Variants in C4orf51 observed in about 807,000 individuals in gnomAD.
The protein encoded by C4orf51 is uncharacterized protein C4orf51.
Under a neutral mutation model 25.2 loss-of-function variants are expected in C4orf51, and 25 were observed. The ratio of observed to expected loss-of-function variants is 0.99; its 90% CI spans 0.72 to 1.39. The LOEUF (loss-of-function observed/expected upper bound fraction) is 1.39. Among genes scored for constraint, C4orf51 ranks in the 40% most tolerant of loss-of-function variants. The pLI is 0.00. For synonymous variants in C4orf51, 100 were observed against 84.5 expected, an observed-to-expected ratio of 1.18 and a Z score of -1.01; for missense variants, 252 against 239.6, an observed-to-expected ratio of 1.05 and a Z score of -0.34.
intron 2 of C4orf51, among the ~76,000 whole-genome samples, chr4:145,702,267 G>A (rs143640568): frequency 0.34 from 51,318 of 150,220 alleles, 8,896 homozygotes; most frequent in Admixed American, 0.47. Flanking sequence ...TATCCACCCC[G>A]TGGTGCCAAA....
intron 2 of C4orf51, among the ~76,000 whole-genome samples, chr4:145,716,527 A>G (rs1272893216): frequency 6.6e-6 from 1 of 152,238 alleles, no homozygotes; most frequent in African/African-American, 2.4e-5. Context: ...AGAGAACACA[A>G]TAGATTATTT....
At chr4:145,728,938 G>C in intron 3 of C4orf51, among the ~76,000 whole-genome samples, 1 of 151,284 alleles carries the variant, frequency 6.6e-6, no homozygotes, top group South Asian at 2.1e-4. Flanking sequence ...TTGAGACAGG[G>C]TCTTGCTATG....
chr4:145,763,157 T>C lies in C4orf51; in HGVS notation n.167-7831T>C. 1 of 1,534,808 alleles carries C rather than the reference T, an allele frequency of 6.5e-7. No homozygotes were observed. The highest frequency in any genetic ancestry group is 8.7e-7 in the Non-Finnish European group (1 of 1,145,802). On this transcript the variant is annotated intron_variant and non_coding_transcript_variant, in intron 1 of 1. Transcript: ENST00000510096. This position sits in a 1 kb window ranked among gnomAD's most constrained non-coding sequence, Gnocchi z 4.6. ...AAGAAAAATAATAGTATAATCTTATTTGATCTGCATTATGAACAGGATATA... is the reference window on the plus strand; with the variant it reads ...AAGAAAAATAATAGTATAATCTTATCTGATCTGCATTATGAACAGGATATA...
At position 145,680,435 on chromosome 4, in the gene C4orf51, C is replaced by G. The variant is rs1328809378; in HGVS notation, c.232C>G (p.Gln78Glu). The G allele has an allele frequency of 6.2e-7, 1 of 1,610,934 alleles. No individual in the cohort carries two copies. The highest frequency in any genetic ancestry group is 8.5e-7 in the Non-Finnish European group (1 of 1,177,462). The change falls in exon 1 of 6, where the codon CAG becomes GAG. Residue 78 changes from glutamine to glutamate, a missense_variant and splice_region_variant. By Grantham distance (29) the Gln-to-Glu change is conservative. Coordinates refer to ENST00000438731, the MANE Select transcript of C4orf51 (RefSeq NM_001080531.3). The part of the protein sequence containing the change: ...RAGQHEPECK[Q>E]MSLTNSSACH... Reference sequence around the variant, plus strand: ...AGGACAGCATGAGCCTGAGTGTAAACAGTAAGATTTCTTTGTAATTTGCAC... The same window carrying G: ...AGGACAGCATGAGCCTGAGTGTAAAGAGTAAGATTTCTTTGTAATTTGCAC...
chr4:145,690,483 G>C (rs904343666), intron 1 of C4orf51, among the ~76,000 whole-genome samples: 22 of 152,054 alleles, frequency 1.4e-4, no homozygotes, highest in African/African-American at 5.1e-4. Flanking sequence ...CAGCCTGGGC[G>C]ACAGAGTGAG....
At chr4:145,681,689 C>T (rs1305740735) in intron 1 of C4orf51, among the ~76,000 whole-genome samples, 1 of 152,108 alleles carries the variant, frequency 6.6e-6, no homozygotes, top group Non-Finnish European at 1.5e-5. Flanking sequence ...TCTGGTGAGG[C>T]TCATCTTATT....
the C4orf51 span, among the ~76,000 whole-genome samples, chr4:145,782,682 A>G: frequency 6.6e-6 from 1 of 152,092 alleles, no homozygotes; most frequent in South Asian, 2.1e-4. Context: ...CACAAATCTC[A>G]TCATGTCTTG....
downstream of C4orf51, among the ~76,000 whole-genome samples, chr4:145,735,947 C>A (rs1049061053): frequency 1.3e-5 from 2 of 152,062 alleles, no homozygotes; most frequent in African/African-American, 4.8e-5. Context: ...TGAGTGACAT[C>A]CGTCATCTGG....
At chr4:145,729,623 C>A (rs1039237495) in intron 4 of C4orf51, among the ~76,000 whole-genome samples, 1 of 152,048 alleles carries the variant, frequency 6.6e-6, no homozygotes, top group African/African-American at 2.4e-5. Context: ...ATTTTCATAC[C>A]TTTTGCATTT....
At chr4:145,712,812 G>C (rs1731205581) in intron 2 of C4orf51, among the ~76,000 whole-genome samples, 1 of 152,216 alleles carries the variant, frequency 6.6e-6, no homozygotes, top group African/African-American at 2.4e-5. Context: ...TTCATAGCTA[G>C]AGAGAAGAAA....
intron 2 of C4orf51, among the ~76,000 whole-genome samples, chr4:145,706,410 T>A (rs1048463535): frequency 2.0e-5 from 3 of 152,162 alleles, no homozygotes; most frequent in Admixed American, 2.0e-4. Flanking sequence ...CCTCTTGTGG[T>A]CTCAAGATAA....
intron 1 of C4orf51, among the ~76,000 whole-genome samples, chr4:145,681,300 A>G (rs1455552550): frequency 6.6e-6 from 1 of 152,224 alleles, no homozygotes; most frequent in Non-Finnish European, 1.5e-5. Flanking sequence ...AGATAAGAGC[A>G]ATAACCCACA....
At chr4:145,715,385 C>T (rs980521307) in intron 2 of C4orf51, among the ~76,000 whole-genome samples, 4 of 152,116 alleles carry the variant, frequency 2.6e-5, no homozygotes, top group African/African-American at 9.7e-5. Flanking sequence ...GCCTCTTGGG[C>T]AGTGTCTCGC....
At chr4:145,755,336 C>A (rs984083270), downstream of C4orf51, among the ~76,000 whole-genome samples, 3 of 151,934 alleles carry the variant, frequency 2.0e-5, no homozygotes, top group African/African-American at 7.3e-5. Flanking sequence ...GGGTAAAAAA[C>A]CACCTATAAA....
At chr4:145,690,352 A>C (rs770203711) in intron 1 of C4orf51, among the ~76,000 whole-genome samples, 3 of 150,748 alleles carry the variant, frequency 2.0e-5, no homozygotes, top group Non-Finnish European at 3.0e-5. Flanking sequence ...AAAAATACAA[A>C]AAATTAGCTG....
chr4:145,717,829 A>T (rs1251083721), intron 2 of C4orf51, among the ~76,000 whole-genome samples: 1 of 152,220 alleles, frequency 6.6e-6, no homozygotes, highest in East Asian at 1.9e-4. Context: ...TTCTGACCTG[A>T]TTCCCTTCTA....
chr4:145,688,971 G>T (rs1560820108), intron 1 of C4orf51, among the ~76,000 whole-genome samples: 2 of 152,122 alleles, frequency 1.3e-5, no homozygotes, highest in African/African-American at 4.8e-5. Flanking sequence ...CAGTAATTAA[G>T]GCAGGGTGCT....
At chr4:145,773,197 ATT>A (rs1325588567), downstream of C4orf51, among the ~76,000 whole-genome samples, 1 of 152,218 alleles carries the variant, frequency 6.6e-6, no homozygotes, top group Non-Finnish European at 1.5e-5. Context: ...GCTGAATTTA[ATT>A]TGTCTTCAAC....
Position 145,763,579 on chromosome 4 carries a change from G to T in C4orf51, n.167-7409G>T, listed in dbSNP as rs1734840086. ...GCTTCAGAGGCTGGGGACTTTGGAG[G>T]TCCCTGAGGAAAGGCGAACTGGCAA... On this transcript the variant is annotated intron_variant and non_coding_transcript_variant, in intron 1 of 1. Transcript: ENST00000510096. The surrounding 1 kb of genome is among the most constrained non-coding windows in gnomAD (Gnocchi z 4.6). Among the ~76,000 whole-genome samples, 1 of 152,204 alleles carries T rather than the reference G, an allele frequency of 6.6e-6. No homozygotes were observed. Among genetic ancestry groups the T allele is most frequent in the African/African-American group, 2.4e-5 (1 of 41,452 alleles).
Sources: gnomAD v4.1 joint callset for allele counts (sites outside exome capture counted in the v4.1 genomes callset) on GRCh38, gnomAD v4.1.1 for gene constraint, Gnocchi (gnomAD v3.1) non-coding constraint, MANE v1.5 for transcripts, NCBI Gene and HGNC (gene_info 2026-07-23, HGNC 2026-07-21) for gene names.